SH3RF2: variants seen among roughly 807,000 people sequenced by gnomAD.
SH3RF2 encodes the protein SH3 domain containing ring finger 2, also known as E3 ubiquitin-protein ligase SH3RF2.
In SH3RF2, 43 loss-of-function variants were observed where a neutral mutation model predicts 59.0. The ratio of observed to expected loss-of-function variants is 0.73; its 90% CI spans 0.57 to 0.94. The LOEUF (loss-of-function observed/expected upper bound fraction) is 0.94. Ranked by LOEUF, SH3RF2 falls within the 40% of genes least tolerant of loss-of-function variation. The pLI is 0.00. For synonymous variants in SH3RF2, 391 were observed against 391.5 expected (o/e 1.00, Z 0.01); for missense variants, 930 against 940.1 (o/e 0.99, Z 0.14).
intron 2 of SH3RF2, among the ~76,000 whole-genome samples, chr5:145,992,214 A>T (rs946708862): frequency 6.6e-6 from 1 of 152,030 alleles, no homozygotes. Flanking sequence ...TCTGCAAAAA[A>T]TACAAAAAAA....
At chr5:146,031,407 G>A (rs1037543639) in intron 5 of SH3RF2, among the ~76,000 whole-genome samples, 6 of 152,206 alleles carry the variant, frequency 3.9e-5, no homozygotes, top group African/African-American at 1.4e-4. Flanking sequence ...ATGTACATAA[G>A]CCAATAAACA....
chr5:145,980,356 A>T (rs4143867), intron 2 of SH3RF2, among the ~76,000 whole-genome samples: 1 of 151,970 alleles, frequency 6.6e-6, no homozygotes, highest in South Asian at 2.1e-4. Context: ...GGGTGTACAT[A>T]TTTTTTTGCA....
At chr5:146,041,782 C>T (rs761477334) in intron 5 of SH3RF2, among the ~76,000 whole-genome samples, 5 of 151,968 alleles carry the variant, frequency 3.3e-5, no homozygotes, top group South Asian at 2.1e-4. Context: ...ATACAAAAAA[C>T]TGTCTGAGCA....
At position 146,044,776 on chromosome 5, in the gene SH3RF2, T is replaced by C. The variant is rs183639428; in HGVS notation, c.1060-2996T>C. On this transcript the variant is annotated intron_variant, in intron 5 of 9. Transcript: ENST00000359120. ...TCACCCCTCTTCTTCATTGTCTCCT[T>C]CTCATGTCGTCCTTTCTCTTCTCCT... 2.3e-4 allele frequency among the ~76,000 whole-genome samples: 35 copies of C among 152,214 alleles called. No individual in the cohort carries two copies. In the East Asian group the frequency reaches 6.7e-3, roughly 29 times the overall value.
At chr5:146,008,221 G>A (rs1327744946) in intron 4 of SH3RF2, among the ~76,000 whole-genome samples, 1 of 152,170 alleles carries the variant, frequency 6.6e-6, no homozygotes, top group Non-Finnish European at 1.5e-5. Flanking sequence ...AAATGAGTGG[G>A]TGCAAATCTA....
At chr5:145,947,045 T>C (rs888163459) in intron 2 of SH3RF2, among the ~76,000 whole-genome samples, 5 of 152,032 alleles carry the variant, frequency 3.3e-5, no homozygotes, top group Non-Finnish European at 7.4e-5. Flanking sequence ...ATTAAGTACA[T>C]TGATCTTGTT....
In SH3RF2 at chr5:145,977,111, G is replaced by A. The variant is rs186355554; in HGVS notation, c.379-22947G>A. Among the ~76,000 whole-genome samples, 269 of 152,298 alleles carry A rather than the reference G, an allele frequency of 1.8e-3. 4 individuals carry two copies. Among genetic ancestry groups the A allele is most frequent in the African/African-American group, 5.7e-3 (238 of 41,568 alleles). Reference sequence around the variant, plus strand: ...ACTGAGGCTTGGAGAAGGTTGCCTCGGCAGAGGCCAAGCAAGGGGAAACTG... The same window carrying A: ...ACTGAGGCTTGGAGAAGGTTGCCTCAGCAGAGGCCAAGCAAGGGGAAACTG... On this transcript the variant is annotated intron_variant, in intron 2 of 9. Coordinates refer to ENST00000359120, the MANE Select transcript of SH3RF2 (RefSeq NM_152550.4).
At chr5:145,998,153 A>G (rs898079526) in intron 2 of SH3RF2, 2 of 430,356 alleles carry the variant, frequency 4.6e-6, no homozygotes, top group Non-Finnish European at 8.3e-6. Flanking sequence ...CCAAATGTGC[A>G]ATTTGATAAA....
intron 2 of SH3RF2, among the ~76,000 whole-genome samples, chr5:145,982,867 AGGAGAG>A (rs1258801191): frequency 6.6e-6 from 1 of 152,216 alleles, no homozygotes; most frequent in Non-Finnish European, 1.5e-5. Flanking sequence ...GCGATTGGGC[AGGAGAG>A]GGAGAGGGTG....
chr5:146,070,281 G>T (rs1384756499), intron 9 of SH3RF2, among the ~76,000 whole-genome samples: 1 of 152,164 alleles, frequency 6.6e-6, no homozygotes, highest in Non-Finnish European at 1.5e-5. Context: ...GGACAAATGA[G>T]ATGTGCCGCT....
In SH3RF2 at chr5:146,016,279, C is replaced by G. The variant is rs1407146896; in HGVS notation, c.1059+2218C>G. On this transcript the variant is annotated intron_variant, in intron 5 of 9. Transcript: ENST00000359120. ...AGTACTGGAGATTCTACTACCAAAA[C>G]AAGAAGAGTAATATAACCTCAAACT... is the stretch of plus-strand genomic sequence containing the variant. 1.6e-4 allele frequency among the ~76,000 whole-genome samples: 24 copies of G among 151,864 alleles called. 1 individual carries two copies.
At chr5:145,972,251 AG>A (rs1359271704) in intron 2 of SH3RF2, among the ~76,000 whole-genome samples, 7 of 152,224 alleles carry the variant, frequency 4.6e-5, no homozygotes, top group Non-Finnish European at 8.8e-5. Flanking sequence ...AAAAAATTAA[AG>A]AAAGAAAAGG....
chr5:145,952,750 G>A (rs115187766), intron 2 of SH3RF2, among the ~76,000 whole-genome samples: 12 of 152,298 alleles, frequency 7.9e-5, no homozygotes, highest in African/African-American at 1.7e-4. Context: ...TCTGGGAGGC[G>A]TAAGGACATT....
intron 5 of SH3RF2, among the ~76,000 whole-genome samples, chr5:146,025,649 C>T (rs1227294065): frequency 6.6e-6 from 1 of 152,214 alleles, no homozygotes; most frequent in Non-Finnish European, 1.5e-5. Flanking sequence ...AGAAATCTCT[C>T]CTACCGCATA....
At chr5:145,964,197 TTTCC>T (rs948363685) in intron 2 of SH3RF2, among the ~76,000 whole-genome samples, 26 of 151,420 alleles carry the variant, frequency 1.7e-4, no homozygotes, top group Admixed American at 3.9e-4. Flanking sequence ...TCTTCTTTCT[TTTCC>T]TTCCTTCCTT....
chr5:146,017,109 A>C (rs1222816825), intron 5 of SH3RF2, among the ~76,000 whole-genome samples: 2 of 152,198 alleles, frequency 1.3e-5, no homozygotes, highest in Non-Finnish European at 1.5e-5. Context: ...ACCTGTGGGA[A>C]ACCACTTGAA....
At position 146,000,307 on chromosome 5, in the gene SH3RF2, G is replaced by A; in HGVS notation, c.628G>A (p.Asp210Asn). 6.2e-7 allele frequency: 1 copy of A among 1,613,326 alleles called. No individual in the cohort carries two copies. Among genetic ancestry groups the A allele is most frequent in the Non-Finnish European group, 8.5e-7 (1 of 1,179,746 alleles). Residue 210 changes from aspartate to asparagine, a missense_variant, in exon 3 of 10, where the codon GAT becomes AAT. Coordinates refer to ENST00000359120, the MANE Select transcript of SH3RF2 (RefSeq NM_152550.4). The part of the protein sequence containing the change: ...LRGKDKSENQ[D>N]CLTFLKDDII... ...AGGCAAGGACAAGAGTGAGAACCAG[G>A]ATTGCCTGACCTTCCTCAAGGTAGG...
chr5:146,009,430 C>T (rs928666113), intron 4 of SH3RF2, among the ~76,000 whole-genome samples: 1 of 152,172 alleles, frequency 6.6e-6, no homozygotes, highest in Non-Finnish European at 1.5e-5. Context: ...GCAAGCTGAG[C>T]TCTTTCCCTC....
intron 2 of SH3RF2, among the ~76,000 whole-genome samples, chr5:145,953,334 G>A (rs1219391771): frequency 1.3e-5 from 2 of 152,118 alleles, no homozygotes; most frequent in Non-Finnish European, 2.9e-5. Context: ...TTCCAATGAG[G>A]GAGAACATCC....
Sources: gnomAD v4.1 joint callset for allele counts (sites outside exome capture counted in the v4.1 genomes callset) on GRCh38, gnomAD v4.1.1 for gene constraint, MANE v1.5 for transcripts, NCBI Gene and HGNC (gene_info 2026-07-23, HGNC 2026-07-21) for gene names.